SDCCAG8: variants seen among roughly 807,000 people sequenced by gnomAD.
The protein encoded by SDCCAG8 is SHH signaling and ciliogenesis regulator SDCCAG8.
A neutral mutation model predicts 101.8 loss-of-function variants in SDCCAG8; 74 were observed. That is an observed-to-expected ratio of 0.73 (90% CI 0.60 to 0.88). The LOEUF (loss-of-function observed/expected upper bound fraction) is 0.88. SDCCAG8 is among the 40% of genes least tolerant of loss of function. SDCCAG8 has a pLI of 0.00. For synonymous variants in SDCCAG8, 281 were observed against 292.9 expected (o/e 0.96, Z 0.41); for missense variants, 787 against 822.6 (o/e 0.96, Z 0.53).
chr1:243,418,247 C>T (rs1051767083), intron 15 of SDCCAG8, among the ~76,000 whole-genome samples, 171 bp downstream of exon 15: 8 of 152,006 alleles, frequency 5.3e-5, no homozygotes, highest in East Asian at 1.9e-4. Flanking sequence ...ATTGTCTATA[C>T]GCTTTTATGT....
chr1:243,280,126 C>G (rs2068905007), intron 4 of SDCCAG8, among the ~76,000 whole-genome samples: 1 of 152,106 alleles, frequency 6.6e-6, no homozygotes, highest in Admixed American at 6.5e-5. Flanking sequence ...TGTGAGTTTT[C>G]ATGGATTGTG....
chr1:243,309,392 A>G (rs1174130968), intron 8 of SDCCAG8, among the ~76,000 whole-genome samples: 2 of 152,218 alleles, frequency 1.3e-5, no homozygotes, highest in Non-Finnish European at 2.9e-5. Flanking sequence ...CCTGACATAT[A>G]GTAAATGCTC....
intron 8 of SDCCAG8, 142 bp from the exon 9 acceptor site, chr1:243,316,613 T>C: frequency 2.0e-6 from 2 of 978,632 alleles, no homozygotes; most frequent in Non-Finnish European, 3.2e-6. Context: ...AGGGTCTTTC[T>C]CTGGGGTGTG....
intron 13 of SDCCAG8, among the ~76,000 whole-genome samples, chr1:243,407,190 C>T (rs574634798): frequency 1.3e-5 from 2 of 152,322 alleles, no homozygotes; most frequent in East Asian, 3.9e-4. Flanking sequence ...GCGCAATCCA[C>T]TGTTTGATTA....
intron 9 of SDCCAG8, among the ~76,000 whole-genome samples, chr1:243,320,034 A>C (rs1248021946): frequency 1.3e-5 from 2 of 152,094 alleles, no homozygotes; most frequent in Non-Finnish European, 2.9e-5. Flanking sequence ...CATAAATTTT[A>C]CCATCTCAAA....
chr1:243,420,821 A>C (rs1240892819), intron 15 of SDCCAG8, among the ~76,000 whole-genome samples: 1 of 152,190 alleles, frequency 6.6e-6, no homozygotes, highest in Admixed American at 6.5e-5. Flanking sequence ...TCAATAACTC[A>C]TTCATGTTAA....
chr1:243,382,162 T>A (rs575239267), intron 13 of SDCCAG8, among the ~76,000 whole-genome samples: 3 of 152,272 alleles, frequency 2.0e-5, no homozygotes, highest in African/African-American at 7.2e-5. Context: ...AGAAGAGCCT[T>A]ATGGGCCATC....
At position 243,430,244 on chromosome 1, in the gene SDCCAG8, A is replaced by T. The variant is rs532839593; in HGVS notation, c.1985+3686A>T. Among the ~76,000 whole-genome samples the T allele has an allele frequency of 2.0e-5, 3 of 152,194 alleles. No homozygotes were observed. In the South Asian group the frequency reaches 6.2e-4, roughly 32 times the overall value. ...CAAACTATCTGGCCCTCTCCTAAAA[A>T]ATTTTACTGACTCCTGTTCTAGAGA... On this transcript the variant is annotated intron_variant, in intron 16 of 17. Transcript: ENST00000366541.
intron 9 of SDCCAG8, among the ~76,000 whole-genome samples, chr1:243,320,168 A>C (rs770060945): frequency 1.3e-5 from 2 of 152,010 alleles, no homozygotes; most frequent in Non-Finnish European, 2.9e-5. Flanking sequence ...TTCACCCCTA[A>C]CTTTTAACCA....
intron 9 of SDCCAG8, among the ~76,000 whole-genome samples, chr1:243,323,292 T>C (rs1448530404): frequency 2.0e-5 from 3 of 152,172 alleles, no homozygotes; most frequent in Non-Finnish European, 4.4e-5. Flanking sequence ...ACTCCACTGC[T>C]GGCACGTCAC....
At chr1:243,310,565 AT>A (rs1485486888) in intron 8 of SDCCAG8, among the ~76,000 whole-genome samples, 2 of 152,206 alleles carry the variant, frequency 1.3e-5, no homozygotes, top group Admixed American at 6.5e-5. Flanking sequence ...AATATAAAAA[AT>A]ATCTTATAAT....
chr1:243,298,349 C>CAT (rs2071161797), intron 6 of SDCCAG8, among the ~76,000 whole-genome samples: 1 of 89,866 alleles, frequency 1.1e-5, no homozygotes, highest in Non-Finnish European at 2.3e-5. Flanking sequence ...CCGCACCCTG[C>CAT]CTTTTTTTTT....
At chr1:243,344,145 A>G (rs2075555173) in intron 11 of SDCCAG8, 70 bp from the exon 12 acceptor site, 1 of 1,282,338 alleles carries the variant, frequency 7.8e-7, no homozygotes, top group South Asian at 1.2e-5. Context: ...GGGGGCACCA[A>G]AAGATCTAAT....
Position 243,269,845 on chromosome 1 carries a change from G to A in SDCCAG8, c.68-260G>A, listed in dbSNP as rs183355018. Among the ~76,000 whole-genome samples the A allele has an allele frequency of 6.6e-5, 10 of 152,164 alleles. No individual in the cohort carries two copies. The East Asian group carries it at 1.2e-3, about 18-fold the overall frequency. On this transcript the variant is annotated intron_variant, in intron 1 of 17. Coordinates refer to ENST00000366541, the MANE Select transcript of SDCCAG8 (RefSeq NM_006642.5). ...AGAGTTCTGTCATTTAATCCTTGCC[G>A]GTGGTGCTATATGTAGTGAAATCAA...
intron 12 of SDCCAG8, among the ~76,000 whole-genome samples, chr1:243,365,247 C>A (rs1189040631): frequency 3.3e-5 from 5 of 152,082 alleles, no homozygotes; most frequent in Non-Finnish European, 5.9e-5. Flanking sequence ...GTGTCCCTAA[C>A]TGCATGTTTT....
chr1:243,299,040 A>G (rs2071236582), intron 6 of SDCCAG8, among the ~76,000 whole-genome samples: 1 of 152,242 alleles, frequency 6.6e-6, no homozygotes. Flanking sequence ...TAATCCTTGT[A>G]AACTGCATAT....
intron 9 of SDCCAG8, among the ~76,000 whole-genome samples, chr1:243,319,664 C>T (rs1359344487): frequency 6.6e-6 from 1 of 152,088 alleles, no homozygotes; most frequent in Non-Finnish European, 1.5e-5. Flanking sequence ...TGAGCCACCG[C>T]GCCTGGCCCC....
chr1:243,347,988 C>T (rs993095190), intron 12 of SDCCAG8, among the ~76,000 whole-genome samples: 3 of 149,542 alleles, frequency 2.0e-5, no homozygotes, highest in African/African-American at 7.4e-5. Context: ...TCTCTCCTTG[C>T]CCCTCCTCCC....
chr1:243,322,207 T>C (rs983541006), intron 9 of SDCCAG8, among the ~76,000 whole-genome samples: 3 of 152,202 alleles, frequency 2.0e-5, no homozygotes, highest in Admixed American at 1.3e-4. Flanking sequence ...TTATTGCAAG[T>C]TGACTGGCAA....
Sources: allele counts gnomAD v4.1 joint callset (sites outside exome capture counted in the v4.1 genomes callset), GRCh38; gene constraint gnomAD v4.1.1; transcripts MANE v1.5; gene names NCBI Gene and HGNC (gene_info 2026-07-23, HGNC 2026-07-21).